The following CDK12 variants were observed in gnomAD, a reference collection of about 807,000 sequenced individuals.
CDK12 encodes the protein cyclin-dependent kinase 12.
CDK12 carries 17 observed loss-of-function variants against 133.8 expected under a neutral mutation model. The ratio of observed to expected loss-of-function variants is 0.13; its 90% CI spans 0.09 to 0.19. CDK12 has a LOEUF of 0.19. Among genes scored for constraint, CDK12 ranks in the 10% least tolerant of loss-of-function variants. CDK12 has a pLI of 1.00. For missense variants in CDK12, 1,508 were observed against 1,818.7 expected (o/e 0.83, Z 3.11); for synonymous variants, 694 against 683.6 (o/e 1.02, Z -0.24).
chr17:39,554,577 G>C (rs1373635955), intron 2 of CDK12, among the ~76,000 whole-genome samples: 1 of 152,132 alleles, frequency 6.6e-6, no homozygotes, highest in African/African-American at 2.4e-5. Context: ...TACTGGATCT[G>C]GTAAAGAGTA....
chr17:39,500,548 G>T (rs2052645057), intron 5 of CDK12, among the ~76,000 whole-genome samples: 1 of 151,742 alleles, frequency 6.6e-6, no homozygotes. Flanking sequence ...CAGGAGAATG[G>T]CTTGAACCCA....
Position 39,471,566 on chromosome 17 carries a change from T to G in CDK12, c.1734T>G (p.Ala578=). 6.2e-7 allele frequency: 1 copy of G among 1,614,056 alleles called. No individual in the cohort carries two copies. The highest frequency in any genetic ancestry group is 8.5e-7 in the Non-Finnish European group (1 of 1,180,002). ...AGCCAGCATTTAGTCAGGTTCCTGC[T>G]TCCAGTACTTCAACTTTGCCCCCTT... ...PSQPAFSQVP[A]SSTSTLPPST... Residue 578 remains alanine (A), a synonymous_variant, in exon 2 of 14, where the codon GCT becomes GCG. Transcript: ENST00000447079.
Position 39,531,050 on chromosome 17 carries a change from C to T in CDK12, c.4207C>T (p.Leu1403Phe), listed in dbSNP as rs2054809307. The T allele has an allele frequency of 1.9e-6, 3 of 1,613,224 alleles. No homozygotes were observed. Among genetic ancestry groups the T allele is most frequent in the Admixed American group, 1.7e-5 (1 of 59,784 alleles). The change falls in exon 14 of 14, where the codon CTC (leucine) becomes TTC (phenylalanine). Residue 1403 changes from leucine (L) to phenylalanine (F), a missense_variant. Coordinates refer to ENST00000447079, the MANE Select transcript of CDK12 (RefSeq NM_016507.4). ...AGTGCAGTTTCCAGGGGACCAGGAC[C>T]TCCGTTTTGCCAGGGTCCCCTTAGC... is the stretch of plus-strand genomic sequence containing the variant. ...GSVQFPGDQD[L>F]RFARVPLALH... is the part of the protein sequence containing the mutation.
chr17:39,537,139 C>T (rs1480488774), downstream of CDK12, among the ~76,000 whole-genome samples: 1 of 152,184 alleles, frequency 6.6e-6, no homozygotes, highest in Non-Finnish European at 1.5e-5. Flanking sequence ...TGGAGGATGT[C>T]TTTTCTCTAC....
chr17:39,542,749 A>G (rs1237948570), intron 1 of CDK12, among the ~76,000 whole-genome samples: 1 of 151,832 alleles, frequency 6.6e-6, no homozygotes, highest in Non-Finnish European at 1.5e-5. Flanking sequence ...ACCTCAGGTG[A>G]TCCACCCACC....
At chr17:39,515,672 G>A in intron 8 of CDK12, 59 bp from the exon 9 acceptor site, 1 of 1,154,516 alleles carries the variant, frequency 8.7e-7, no homozygotes, top group Non-Finnish European at 1.3e-6. Context: ...AATTTTTTGA[G>A]ACACTTTAAA....
chr17:39,498,648 G>A (rs564220065), intron 5 of CDK12, among the ~76,000 whole-genome samples: 3 of 152,162 alleles, frequency 2.0e-5, no homozygotes, highest in South Asian at 2.1e-4. Flanking sequence ...TCTTGCCTCA[G>A]CCTCCCAAGT....
intron 3 of CDK12, among the ~76,000 whole-genome samples, chr17:39,491,243 T>C (rs1433059119): frequency 1.3e-5 from 2 of 152,168 alleles, no homozygotes; most frequent in Non-Finnish European, 2.9e-5. Context: ...GTTTTATATA[T>C]ACACATTTTT....
intron 2 of CDK12, among the ~76,000 whole-genome samples, chr17:39,482,261 C>T (rs2050773893): frequency 6.6e-6 from 1 of 152,034 alleles, no homozygotes. Flanking sequence ...ATCCACCCGC[C>T]TCGGCCTCTC....
At chr17:39,561,271 G>A (rs2056364089) in intron 3 of CDK12, among the ~76,000 whole-genome samples, 1 of 152,214 alleles carries the variant, frequency 6.6e-6, no homozygotes. Context: ...TATGATAAGT[G>A]AGCTCTCTAT....
intron 2 of CDK12, among the ~76,000 whole-genome samples, chr17:39,481,018 C>T (rs1318736216): frequency 6.6e-6 from 1 of 152,036 alleles, no homozygotes; most frequent in Non-Finnish European, 1.5e-5. Flanking sequence ...CTTTGGGAGG[C>T]CGAGGCCGGC....
downstream of CDK12, among the ~76,000 whole-genome samples, chr17:39,538,680 C>T (rs975985757): frequency 3.9e-5 from 6 of 152,112 alleles, no homozygotes; most frequent in Non-Finnish European, 8.8e-5. Context: ...GGGTGGATCA[C>T]GAGGTCAGGA....
rs944755645 is a variant in CDK12, at chr17:39,471,261, G to C, written c.1429G>C (p.Asp477His). ...AAACACAGAGGTAAAAAATTCTTCA[G>C]ATACAGGGAAAGTAAAGTTGGATGA... ...HLNTEVKNSS[D>H]TGKVKLDENS... Residue 477 changes from aspartate to histidine, a missense_variant, in exon 2 of 14, where the codon GAT becomes CAT. Coordinates refer to ENST00000447079, the MANE Select transcript of CDK12 (RefSeq NM_016507.4). The C allele has an allele frequency of 3.7e-6, 6 of 1,611,968 alleles. No individual in the cohort carries two copies. The South Asian group carries it at 6.6e-5, about 18-fold the overall frequency.
intron 2 of CDK12, among the ~76,000 whole-genome samples, chr17:39,483,214 C>T (rs1398290167): frequency 1.3e-5 from 2 of 151,544 alleles, no homozygotes; most frequent in Non-Finnish European, 2.9e-5. Context: ...CGCCCTGGCT[C>T]AACTAAATTT....
chr17:39,526,442 A>G, intron 13 of CDK12, 126 bp downstream of exon 13: 1 of 683,872 alleles, frequency 1.5e-6, no homozygotes, highest in South Asian at 1.9e-5. Context: ...CCTAGTCTAC[A>G]GGAGAACATA....
upstream of CDK12, chr17:39,550,065 G>A (rs1334008887): frequency 1.3e-5 from 2 of 152,062 alleles, no homozygotes; most frequent in South Asian, 2.1e-4. Context: ...TAAAAGGGGG[G>A]TTGAGGGGGT....
intron 1 of CDK12, among the ~76,000 whole-genome samples, chr17:39,539,954 A>G (rs1012792696): frequency 2.0e-5 from 3 of 152,210 alleles, no homozygotes; most frequent in Non-Finnish European, 2.9e-5. Flanking sequence ...TGGAGGAGCA[A>G]TCTCATTGGC....
chr17:39,542,217 G>A (rs1055277296), intron 1 of CDK12, among the ~76,000 whole-genome samples: 7 of 150,474 alleles, frequency 4.7e-5, no homozygotes, highest in South Asian at 2.1e-4. Flanking sequence ...ACGGAGTTTC[G>A]CTCTTGTCAC....
intron 2 of CDK12, among the ~76,000 whole-genome samples, chr17:39,473,555 C>T (rs771798702): frequency 1.3e-5 from 2 of 151,968 alleles, no homozygotes; most frequent in Non-Finnish European, 2.9e-5. Flanking sequence ...CCAGCCTGGC[C>T]AACACGATGG....
Sources: allele counts gnomAD v4.1 joint callset (sites outside exome capture counted in the v4.1 genomes callset), GRCh38; gene constraint gnomAD v4.1.1; transcripts MANE v1.5; gene names NCBI Gene and HGNC (gene_info 2026-07-23, HGNC 2026-07-21).